WDHD1: variants seen among roughly 807,000 people sequenced by gnomAD.
WDHD1 encodes WD repeat and HMG-box DNA-binding protein 1.
Under a neutral mutation model 135.4 loss-of-function variants are expected in WDHD1, and 111 were observed. The ratio of observed to expected loss-of-function variants is 0.82; its 90% confidence interval spans 0.70 to 0.96. The LOEUF (loss-of-function observed/expected upper bound fraction) is 0.96. WDHD1 is among the 40% of genes least tolerant of loss of function. WDHD1 has a pLI of 0.00. For synonymous variants in WDHD1, 434 were observed against 439.0 expected, an observed-to-expected ratio of 0.99 and a Z score of 0.14; for missense variants, 1,351 against 1,336.3, an observed-to-expected ratio of 1.01 and a Z score of -0.17.
At chr14:54,956,627 G>A (rs964697224) in intron 23 of WDHD1, among the ~76,000 whole-genome samples, 1 of 152,162 alleles carries the variant, frequency 6.6e-6, no homozygotes, top group Non-Finnish European at 1.5e-5. Flanking sequence ...GGGTGACAGA[G>A]TGAGCCTCTG....
chr14:54,944,616 CTTTTTTTT>C (rs780376690), intron 24 of WDHD1, 146 bp from the exon 25 acceptor site: 13 of 269,506 alleles, frequency 4.8e-5, no homozygotes, highest in South Asian at 1.8e-4. Context: ...ATTCATGTTA[CTTTTTTTT>C]TTTTTTTTTT....
intron 22 of WDHD1, 98 bp downstream of exon 22, chr14:54,957,494 T>C: frequency 3.6e-6 from 4 of 1,120,476 alleles, no homozygotes; most frequent in Non-Finnish European, 5.1e-6. Flanking sequence ...CAGTCTTTCA[T>C]GCCTCCAAGT....
intron 3 of WDHD1, among the ~76,000 whole-genome samples, chr14:55,010,858 T>C (rs1417942824): frequency 6.6e-6 from 1 of 152,230 alleles, no homozygotes; most frequent in African/African-American, 2.4e-5. Context: ...TGCCCTATGT[T>C]TCCACAACAA....
intron 24 of WDHD1, among the ~76,000 whole-genome samples, chr14:54,949,663 T>A (rs1423267501): frequency 6.6e-6 from 1 of 152,060 alleles, no homozygotes; most frequent in Non-Finnish European, 1.5e-5. Flanking sequence ...GCCACAAAGA[T>A]ACTCCTCGAG....
In WDHD1 at chr14:54,991,365, T is replaced by C. The variant is rs1406839679; in HGVS notation, c.1189A>G (p.Lys397Glu). The change falls in exon 12 of 26, where the codon AAA becomes GAA. Residue 397 changes from lysine to glutamate, a missense_variant. This residue lies in a region of WDHD1 where 1,330 missense variants were observed against 1,296.1 expected (regional missense o/e 1.03). Transcript: ENST00000360586. Reference sequence around the variant, plus strand: ...TCTTGACCATCTTCCTCCTCCTCTTTGAGAAGACTAGAACCAGTTTTTAGC... The same window carrying C: ...TCTTGACCATCTTCCTCCTCCTCTTCGAGAAGACTAGAACCAGTTTTTAGC... ...SMLKTGSSLLKEEEEDGQEGS... is the reference protein window; with the variant it reads ...SMLKTGSSLLEEEEEDGQEGS... The C allele has an allele frequency of 1.2e-6, 2 of 1,614,104 alleles. No individual in the cohort carries two copies. Among genetic ancestry groups the C allele is most frequent in the African/African-American group, 2.7e-5 (2 of 74,948 alleles).
At chr14:55,016,243 C>G (rs1420292775) in intron 2 of WDHD1, among the ~76,000 whole-genome samples, 1 of 152,006 alleles carries the variant, frequency 6.6e-6, no homozygotes. Flanking sequence ...GATTGCTATG[C>G]TTTTGAAATT....
In WDHD1 at chr14:54,941,469, C is replaced by A. The variant is rs1204187228; in HGVS notation, c.*21G>T. ...ATGAGTAAAAAAAAATCCATTACTT[C>A]CCTAGGGTCACTTTCTTCCTTTACT... is the stretch of plus-strand genomic sequence containing the variant. On this transcript the variant is annotated 3_prime_UTR_variant, in exon 26 of 26. Coordinates refer to ENST00000360586, the MANE Select transcript of WDHD1 (RefSeq NM_007086.4). The A allele has an allele frequency of 6.3e-7, 1 of 1,593,802 alleles. No homozygotes were observed. The highest frequency in any genetic ancestry group is 8.5e-7 in the Non-Finnish European group (1 of 1,172,856).
At chr14:54,987,870 G>C (rs1265148618) in intron 13 of WDHD1, among the ~76,000 whole-genome samples, 1 of 152,094 alleles carries the variant, frequency 6.6e-6, no homozygotes, top group Non-Finnish European at 1.5e-5. Context: ...CAGGTCATCT[G>C]TCCGCCTTGG....
chr14:55,022,824 C>CTTT (rs869133747), intron 2 of WDHD1, among the ~76,000 whole-genome samples: 2 of 136,724 alleles, frequency 1.5e-5, no homozygotes, highest in African/African-American at 2.7e-5. Flanking sequence ...CTTTCTCTTT[C>CTTT]TTTTTTTTTT....
At chr14:54,995,147 A>G (rs2041856341) in intron 11 of WDHD1, among the ~76,000 whole-genome samples, 1 of 151,952 alleles carries the variant, frequency 6.6e-6, no homozygotes, top group Non-Finnish European at 1.5e-5. Context: ...ACACCCAGCT[A>G]ATTTTTGTAT....
In WDHD1 at chr14:54,989,261, T is replaced by C. The variant is rs756850004; in HGVS notation, c.1342-49A>G. 5.0e-6 allele frequency: 7 copies of C among 1,395,644 alleles called. No homozygotes were observed. In the South Asian group the frequency reaches 7.8e-5, roughly 16 times the overall value. The allele number at this position is 1,395,644 out of a possible 1,614,324, so 86.5% of individuals were successfully genotyped here. Reference sequence around the variant, plus strand: ...TAAGTCTGAGAAAAACTGAAGCTCCTAGAATCAGTAAGCCACAGTAGTACA... The same window carrying C: ...TAAGTCTGAGAAAAACTGAAGCTCCCAGAATCAGTAAGCCACAGTAGTACA... On this transcript the variant is annotated intron_variant, in intron 12 of 25. Transcript: ENST00000360586.
intron 2 of WDHD1, among the ~76,000 whole-genome samples, chr14:55,025,137 C>T (rs1183604194): frequency 7.9e-6 from 1 of 126,750 alleles, no homozygotes; most frequent in Non-Finnish European, 1.7e-5. Context: ...GTGGGACCTG[C>T]GGGCAGCAAT....
intron 24 of WDHD1, among the ~76,000 whole-genome samples, chr14:54,948,028 C>T (rs1458820270): frequency 1.3e-5 from 2 of 151,690 alleles, no homozygotes; most frequent in Admixed American, 1.3e-4. Flanking sequence ...CCAGCCTGAC[C>T]AACATGGAGA....
In WDHD1 at chr14:54,991,304, T is replaced by C. The variant is rs775130952; in HGVS notation, c.1250A>G (p.Gln417Arg). The change falls in exon 12 of 26, where the codon CAA becomes CGA. Residue 417 changes from glutamine (Q) to arginine (R), a missense_variant. Physicochemically the swap from Gln to Arg is conservative, Grantham distance 43 (BLOSUM62 1). Around this residue, in one of 2 missense-constraint regions of WDHD1, gnomAD observed 1,330 missense variants for 1,296.1 expected, o/e 1.03. Transcript: ENST00000360586. ...SIHNLPLVTSQRPFYDGPMPT... is the reference protein window; with the variant it reads ...SIHNLPLVTSRRPFYDGPMPT... ...CATGGGTCCATCATAAAATGGCCTT[T>C]GGGATGTTACAAGTGGTAGATTGTG... 8 of 1,614,112 alleles carry C rather than the reference T, an allele frequency of 5.0e-6. No individual in the cohort carries two copies. The highest frequency in any genetic ancestry group is 3.4e-6 in the Non-Finnish European group (4 of 1,179,958).
In WDHD1 at chr14:54,995,528, G is replaced by C. The variant is rs2041863142; in HGVS notation, c.1153+75C>G. ...AGCTACATTCTACAAATTCAATAAT[G>C]ACTTTAATAGTGTTAATAAAAAATC... On this transcript the variant is annotated intron_variant, in intron 11 of 25. Transcript: ENST00000360586. 4.5e-6 allele frequency: 5 copies of C among 1,110,348 alleles called. No individual in the cohort carries two copies. The South Asian group carries it at 9.9e-5, about 22-fold the overall frequency. The allele number at this position is 1,110,348 out of a possible 1,614,324, so 68.8% of individuals were successfully genotyped here.
rs199863099 is a variant in WDHD1 at position 54,941,569 on chromosome 14, A to G, written c.3311T>C (p.Leu1104Pro). 6 of 1,613,832 alleles carry G rather than the reference A, an allele frequency of 3.7e-6. No homozygotes were observed. The highest frequency in any genetic ancestry group is 2.5e-6 in the Non-Finnish European group (3 of 1,179,940). Reference sequence around the variant, plus strand: ...AGGTTTCTGCTTTTTAGACAAATTCAGGTTCTCTTTTGCTTTTTCTTCCTG... The same window carrying G: ...AGGTTTCTGCTTTTTAGACAAATTCGGGTTCTCTTTTGCTTTTTCTTCCTG... The part of the protein sequence containing the change: ...ENQEEKAKEN[L>P]NLSKKQKPLD... The change falls in exon 26 of 26, where the codon CTG becomes CCG. Residue 1104 changes from leucine (L) to proline (P), a missense_variant. By Grantham distance (98) the Leu-to-Pro change is moderately conservative. Around this residue, in one of 2 missense-constraint regions of WDHD1, gnomAD observed 1,330 missense variants for 1,296.1 expected, o/e 1.03. Coordinates refer to ENST00000360586, the MANE Select transcript of WDHD1 (RefSeq NM_007086.4).
intron 7 of WDHD1, chr14:55,004,679 G>A (rs977618637): frequency 4.9e-5 from 16 of 323,440 alleles, no homozygotes; most frequent in South Asian, 3.2e-4. Context: ...TCTTGAACTC[G>A]TGGCCTCAAC....
rs530220861 is a variant in WDHD1, at chr14:55,002,199, T to C, written c.601-14A>G. 26 of 1,506,602 alleles carry C rather than the reference T, an allele frequency of 1.7e-5. No homozygotes were observed. In the South Asian group the frequency reaches 2.1e-4, roughly 12 times the overall value. The allele number at this position is 1,506,602 out of a possible 1,614,324, so 93.3% of individuals were successfully genotyped here. On this transcript the variant is annotated splice_polypyrimidine_tract_variant and intron_variant, in intron 7 of 25. Transcript: ENST00000360586. ...AATTGCCAGTAACTATTAGAAAAGA[T>C]AAACAACGTAAACAAAAGTTTACAT...
intron 21 of WDHD1, among the ~76,000 whole-genome samples, chr14:54,960,370 G>A (rs1475524867): frequency 6.6e-6 from 1 of 151,518 alleles, no homozygotes; most frequent in East Asian, 1.9e-4. Context: ...GGGTTTCACT[G>A]TGTTCTTCAG....
Sources: allele counts gnomAD v4.1 joint callset (sites outside exome capture counted in the v4.1 genomes callset), GRCh38; gene constraint gnomAD v4.1.1; regional missense constraint gnomAD v4.1.1; transcripts MANE v1.5; gene names NCBI Gene and HGNC (gene_info 2026-07-23, HGNC 2026-07-21).